CAST: variants seen among roughly 807,000 people sequenced by gnomAD.
CAST encodes the protein calpastatin, also known as MIR583 host.
Under a neutral mutation model 119.6 loss-of-function variants are expected in CAST, and 76 were observed. That is an observed-to-expected ratio of 0.64 (90% CI 0.53 to 0.77). CAST has a LOEUF of 0.77. CAST is among the 30% of genes least tolerant of loss of function. The pLI, the probability that CAST is intolerant of heterozygous loss-of-function variation, is 0.00. For synonymous variants in CAST, 319 were observed against 331.6 expected (o/e 0.96, Z 0.41); for missense variants, 953 against 946.5 (o/e 1.01, Z -0.09).
chr5:96,722,926 C>G (rs1758567842), intron 4 of CAST, among the ~76,000 whole-genome samples: 2 of 151,374 alleles, frequency 1.3e-5, no homozygotes, highest in Non-Finnish European at 2.9e-5. Flanking sequence ...AAAGTAGAGT[C>G]ACCTAGAGTT....
chr5:96,120,356 A>G, the CAST span, among the ~76,000 whole-genome samples: 1 of 152,160 alleles, frequency 6.6e-6, no homozygotes, highest in African/African-American at 2.4e-5. Flanking sequence ...AGCCGGAAGC[A>G]ACAGTTGGAG....
intron 11 of CAST, 87 bp downstream of exon 11, chr5:96,738,034 T>C (rs1761996144): frequency 5.2e-6 from 4 of 768,098 alleles, no homozygotes; most frequent in Non-Finnish European, 8.9e-6. Context: ...AAAGAATACC[T>C]AGTGAGGCCA....
the CAST span, among the ~76,000 whole-genome samples, chr5:96,275,718 C>T: frequency 2.0e-5 from 3 of 152,144 alleles, no homozygotes; most frequent in Non-Finnish European, 4.4e-5. Flanking sequence ...TTACATAGCC[C>T]AGCAACAATC....
the CAST span, chr5:96,398,813 A>C: frequency 1.6e-6 from 2 of 1,230,764 alleles, no homozygotes; most frequent in Non-Finnish European, 2.4e-6. Flanking sequence ...AACAAAAGCA[A>C]TCAGTTATTT....
chr5:96,762,875 T>C (rs1487883650), intron 25 of CAST: 4 of 392,722 alleles, frequency 1.0e-5, no homozygotes, highest in African/African-American at 8.1e-5. Context: ...TTTGTCACTT[T>C]CATACTAGCA....
chr5:96,239,433 G>A, the CAST span, among the ~76,000 whole-genome samples: 1 of 152,020 alleles, frequency 6.6e-6, no homozygotes, highest in African/African-American at 2.4e-5. Context: ...AGTTAATTAG[G>A]AGTGTGATAT....
the CAST span, among the ~76,000 whole-genome samples, chr5:96,209,007 GT>G: frequency 6.6e-6 from 1 of 152,032 alleles, no homozygotes; most frequent in Admixed American, 6.6e-5. Flanking sequence ...GGGTGCTCCT[GT>G]GTTGGGTGCA....
chr5:96,517,451 G>A, the CAST span, among the ~76,000 whole-genome samples: 2 of 152,162 alleles, frequency 1.3e-5, no homozygotes, highest in African/African-American at 2.4e-5. Flanking sequence ...AAGTGTCACC[G>A]TGGAGACCAG....
At chr5:96,409,459 G>C in the CAST span, among the ~76,000 whole-genome samples, 1 of 152,174 alleles carries the variant, frequency 6.6e-6, no homozygotes, top group Non-Finnish European at 1.5e-5. Flanking sequence ...AAAGGTTTGC[G>C]TAAGAAAAAG....
the CAST span, among the ~76,000 whole-genome samples, chr5:96,060,176 A>G: frequency 1.1e-4 from 16 of 152,170 alleles, no homozygotes; most frequent in Non-Finnish European, 2.1e-4. Flanking sequence ...GTTTGCATTC[A>G]CTAGAATAAT....
intron 1 of CAST, among the ~76,000 whole-genome samples, chr5:96,646,051 A>T (rs1748010599): frequency 6.6e-6 from 1 of 152,182 alleles, no homozygotes; most frequent in African/African-American, 2.4e-5. Flanking sequence ...TCAAAATAAG[A>T]CAAATATATA....
chr5:96,380,981 T>A, the CAST span, among the ~76,000 whole-genome samples: 1 of 152,194 alleles, frequency 6.6e-6, no homozygotes, highest in African/African-American at 2.4e-5. Context: ...AAAAAACATC[T>A]TGTTGAATCT....
At chr5:96,663,074 C>T (rs1748785797) in intron 1 of CAST, 1 of 701,558 alleles carries the variant, frequency 1.4e-6, no homozygotes, top group Non-Finnish European at 2.6e-6. Flanking sequence ...GCGCCTCCAA[C>T]GCAACACCCC....
chr5:96,403,785 C>G, the CAST span, among the ~76,000 whole-genome samples: 8 of 152,180 alleles, frequency 5.3e-5, no homozygotes, highest in Non-Finnish European at 1.2e-4. Flanking sequence ...TAAAATTTTT[C>G]TAACTTGGAC....
At chr5:96,559,791 A>G (rs1347364448) in intron 1 of CAST, among the ~76,000 whole-genome samples, 1 of 152,210 alleles carries the variant, frequency 6.6e-6, no homozygotes, top group South Asian at 2.1e-4. Flanking sequence ...AAGGTAATTT[A>G]TAGATTCAAT....
At chr5:96,699,979 T>C (rs1753697165) in intron 3 of CAST, among the ~76,000 whole-genome samples, 1 of 152,226 alleles carries the variant, frequency 6.6e-6, no homozygotes, top group African/African-American at 2.4e-5. Flanking sequence ...TAAGCACCTA[T>C]CAGAGAAATA....
chr5:96,226,915 C>T, the CAST span, among the ~76,000 whole-genome samples: 3 of 152,178 alleles, frequency 2.0e-5, no homozygotes, highest in African/African-American at 7.2e-5. Flanking sequence ...AGCACTTTTG[C>T]ATGGTAGTTT....
chr5:96,287,244 C>G, the CAST span, among the ~76,000 whole-genome samples: 1 of 152,118 alleles, frequency 6.6e-6, no homozygotes, highest in African/African-American at 2.4e-5. Flanking sequence ...TTCTTCCCCC[C>G]TCCCCTTTCC....
At chr5:96,071,102 G>A in the CAST span, among the ~76,000 whole-genome samples, 1 of 152,032 alleles carries the variant, frequency 6.6e-6, no homozygotes, top group Non-Finnish European at 1.5e-5. Flanking sequence ...CCAAGATCAC[G>A]ACCCATTTAG....
Sources: allele counts gnomAD v4.1 joint callset (sites outside exome capture counted in the v4.1 genomes callset), GRCh38; gene constraint gnomAD v4.1.1; transcripts MANE v1.5; gene names NCBI Gene and HGNC (gene_info 2026-07-23, HGNC 2026-07-21).